The following DMBT1 variants were observed in gnomAD, a reference collection of about 807,000 sequenced individuals.
The protein encoded by DMBT1 is deleted in malignant brain tumors 1.
In DMBT1, 198 loss-of-function variants were observed where a neutral mutation model predicts 252.9. That is an observed-to-expected ratio of 0.78 (90% CI 0.70 to 0.88). The LOEUF (loss-of-function observed/expected upper bound fraction) is 0.88, where lower values mean the gene tolerates loss of function less well. DMBT1 is among the 40% of genes least tolerant of loss of function. The pLI is 0.00. For synonymous variants in DMBT1, 990 were observed against 942.7 expected (o/e 1.05, Z -0.92); for missense variants, 2,432 against 2,404.7 (o/e 1.01, Z -0.24).
At chr10:122,625,666 G>A (rs376738075) in intron 45 of DMBT1, among the ~76,000 whole-genome samples, 24 of 152,318 alleles carry the variant, frequency 1.6e-4, no homozygotes, top group African/African-American at 4.1e-4. Context: ...ACTTCTGCAC[G>A]TATTTGTCAA....
intron 45 of DMBT1, 22 bp from the exon 46 acceptor site, chr10:122,625,911 A>G (rs1591519081): frequency 6.2e-7 from 1 of 1,604,684 alleles, no homozygotes; most frequent in African/African-American, 1.3e-5. Flanking sequence ...AAAATCCTAA[A>G]CAGCTTCATT....
At chr10:122,632,419 C>T (rs1246516939) in intron 50 of DMBT1, among the ~76,000 whole-genome samples, 1 of 151,998 alleles carries the variant, frequency 6.6e-6, no homozygotes, top group Non-Finnish European at 1.5e-5. Context: ...GCATGACTGC[C>T]AGGGCTCCCC....
intron 24 of DMBT1, among the ~76,000 whole-genome samples, 162 bp from the exon 25 acceptor site, chr10:122,597,812 T>C (rs750853093): frequency 6.6e-6 from 1 of 152,294 alleles, no homozygotes; most frequent in East Asian, 1.9e-4. Context: ...TGACCCTTGC[T>C]GAGCTTGCTG....
intron 40 of DMBT1, among the ~76,000 whole-genome samples, chr10:122,617,712 C>G (rs557111358): frequency 6.6e-6 from 1 of 151,672 alleles, no homozygotes; most frequent in Admixed American, 6.6e-5. Flanking sequence ...CATGGGCCTG[C>G]TCTCTGGAGC....
chr10:122,617,335 G>A, intron 40 of DMBT1, 75 bp downstream of exon 40: 2 of 1,524,262 alleles, frequency 1.3e-6, no homozygotes, highest in South Asian at 1.1e-5. Flanking sequence ...GATAGGATGA[G>A]GCTCAAGGTG....
chr10:122,617,958 G>C (rs2098013362), intron 40 of DMBT1, 59 bp from the exon 41 acceptor site: 1 of 1,603,538 alleles, frequency 6.2e-7, no homozygotes, highest in Non-Finnish European at 8.5e-7. Flanking sequence ...TGTGGAACTT[G>C]CCTTAGATTG....
intron 2 of DMBT1, among the ~76,000 whole-genome samples, chr10:122,566,468 C>T (rs896537850): frequency 3.9e-5 from 6 of 151,926 alleles, no homozygotes; most frequent in African/African-American, 7.3e-5. Context: ...CGCACCACCA[C>T]GCCCAGCTAA....
At position 122,579,691 on chromosome 10, in the gene DMBT1, A is replaced by G. The variant is rs1240931989; in HGVS notation, c.793A>G (p.Thr265Ala). The G allele has an allele frequency of 2.7e-5, 44 of 1,613,740 alleles. No homozygotes were observed. Among genetic ancestry groups the G allele is most frequent in the Non-Finnish European group, 3.6e-5 (43 of 1,179,810 alleles). ...WGTVCDDYWD[T>A]NDANVVCRQL... The stretch of plus-strand genomic sequence containing the variant: ...CACCGTGTGTGATGACTACTGGGAC[A>G]CCAATGATGCCAATGTGGTCTGCAG... Residue 265 changes from threonine to alanine, a missense_variant, in exon 10 of 56, where the codon ACC becomes GCC. Transcript: ENST00000338354.
intron 43 of DMBT1, among the ~76,000 whole-genome samples, chr10:122,620,510 G>A (rs2098055224): frequency 6.6e-6 from 1 of 152,164 alleles, no homozygotes; most frequent in Non-Finnish European, 1.5e-5. Context: ...GTTTTATGTA[G>A]TCAGGAAAGA....
In DMBT1 at chr10:122,634,326, A is replaced by G. The variant is rs555338872; in HGVS notation, c.6548+985A>G. Among the ~76,000 whole-genome samples, 67 of 148,282 alleles carry G rather than the reference A, an allele frequency of 4.5e-4. 1 individual carries two copies. The South Asian group carries it at 0.014, about 31-fold the overall frequency. On this transcript the variant is annotated intron_variant, in intron 52 of 55. Transcript: ENST00000338354. ...AATCATCGTTTTAAGCAGAGAGGAC[A>G]TTACTAAAAGCACTTTTCTTTCTTT...
intron 4 of DMBT1, among the ~76,000 whole-genome samples, chr10:122,571,678 C>G (rs1167921967): frequency 6.6e-6 from 1 of 152,142 alleles, no homozygotes; most frequent in Non-Finnish European, 1.5e-5. Flanking sequence ...AGGACACTGT[C>G]CCATGGTGTG....
intron 20 of DMBT1, 54 bp downstream of exon 20, chr10:122,592,649 G>A (rs548003994): frequency 1.9e-6 from 3 of 1,583,726 alleles, no homozygotes; most frequent in African/African-American, 2.7e-5. Context: ...TGCTCAGGAA[G>A]AAAATCCTAA....
Position 122,640,079 on chromosome 10 carries a change from G to A in DMBT1, c.6982G>A (p.Ala2328Thr). The A allele has an allele frequency of 6.2e-7, 1 of 1,613,998 alleles. No individual in the cohort carries two copies. Among genetic ancestry groups the A allele is most frequent in the Non-Finnish European group, 8.5e-7 (1 of 1,179,896 alleles). ...DTIDYSNFLT[A>T]AVSGGIIKRR... is the part of the protein sequence containing the mutation. ...CATCGACTATTCCAACTTCCTCACA[G>A]CAGCTGTCTCAGGTGGCATCATCAA... Residue 2328 changes from alanine to threonine, a missense_variant, in exon 55 of 56, where the codon GCA becomes ACA. Coordinates refer to ENST00000338354, the MANE Select transcript of DMBT1 (RefSeq NM_001377530.1).
chr10:122,625,936 G>T lies in DMBT1; in HGVS notation c.5639G>T (p.Trp1880Leu), dbSNP rs754937590. 1 of 1,609,770 alleles carries T rather than the reference G, an allele frequency of 6.2e-7. No homozygotes were observed. The highest frequency in any genetic ancestry group is 2.2e-5 in the East Asian group (1 of 44,848). ...ATQINSTTTD[W>L]WHPTTTTTAR... is the part of the protein sequence containing the mutation. ...ACAGCTTCATTTTTTTTTCTAGATT[G>T]GTGGCATCCAACAACTACAACCACT... The change falls in exon 46 of 56, where the codon TGG (tryptophan) becomes TTG (leucine). Residue 1880 changes from tryptophan (W) to leucine (L), a missense_variant. Physicochemically the swap from Trp to Leu is moderately conservative, Grantham distance 61 (BLOSUM62 -2). Transcript: ENST00000338354.
intron 43 of DMBT1, 89 bp from the exon 44 acceptor site, chr10:122,620,968 C>A: frequency 6.3e-7 from 1 of 1,580,882 alleles, no homozygotes; most frequent in Admixed American, 1.7e-5. Flanking sequence ...GTGACTTTGG[C>A]CATTAGGAAG....
intron 27 of DMBT1, 49 bp downstream of exon 27, chr10:122,600,142 A>G: frequency 1.9e-6 from 3 of 1,590,490 alleles, no homozygotes; most frequent in Non-Finnish European, 2.6e-6. Context: ...TTTCTGCCCA[A>G]TCACCCCTTC....
rs2097785717 is a variant in DMBT1 at position 122,585,944 on chromosome 10, G to A, written c.1460-116G>A. On this transcript the variant is annotated intron_variant, in intron 15 of 55. Coordinates refer to ENST00000338354, the MANE Select transcript of DMBT1 (RefSeq NM_001377530.1). ...ATCTCTGGTTTTATTCATATTCAAA[G>A]GTGACTGCCTGCCCAGGTGACTTTA... 2.5e-5 allele frequency: 38 copies of A among 1,531,066 alleles called. 2 individuals carry two copies. The highest frequency in any genetic ancestry group is 3.4e-5 in the Non-Finnish European group (38 of 1,133,436). The allele number at this position is 1,531,066 out of a possible 1,614,324, so 94.8% of individuals were successfully genotyped here.
At position 122,589,217 on chromosome 10, in the gene DMBT1, G is replaced by A; in HGVS notation, c.2057G>A (p.Trp686Ter). The change falls in exon 17 of 56, where the codon TGG becomes TAG. Residue 686 changes from tryptophan to a stop codon, truncating the protein, a stop_gained. Transcript: ENST00000338354. LOFTEE classifies it high-confidence loss of function. ...SYLWSCPNNGWLSHNCGHHED... is the reference protein window; with the variant it reads ...SYLWSCPNNG ...CTGTGGAGCTGCCCCAACAATGGCT[G>A]GCTCTCCCACAACTGTGGCCATCAT... is the stretch of plus-strand genomic sequence containing the variant. 6.3e-7 allele frequency: 1 copy of A among 1,588,484 alleles called. No individual in the cohort carries two copies. Among genetic ancestry groups the A allele is most frequent in the East Asian group, 2.3e-5 (1 of 42,702 alleles).
chr10:122,592,279 A>G lies in DMBT1; in HGVS notation c.2184A>G (p.Glu728=), dbSNP rs1264290329. ...ITLPPSTVGS[E]SSLTLRLVNG... ...TCTTGTGTTCCCCTGTAGGATCTGA[A>G]TCCAGTTTGACCCTGAGGCTGGTGA... The change falls in exon 20 of 56, where the codon GAA becomes GAG. Residue 728 remains glutamate (E), a synonymous_variant. Coordinates refer to ENST00000338354, the MANE Select transcript of DMBT1 (RefSeq NM_001377530.1). The G allele has an allele frequency of 6.3e-7, 1 of 1,586,948 alleles. No individual in the cohort carries two copies. The highest frequency in any genetic ancestry group is 8.6e-7 in the Non-Finnish European group (1 of 1,165,522).
Sources: allele counts gnomAD v4.1 joint callset (sites outside exome capture counted in the v4.1 genomes callset), GRCh38; gene constraint gnomAD v4.1.1; transcripts MANE v1.5; gene names NCBI Gene and HGNC (gene_info 2026-07-23, HGNC 2026-07-21).